CNTN5: variants seen among roughly 807,000 people sequenced by gnomAD.
The protein encoded by CNTN5 is contactin 5.
In CNTN5, 77 loss-of-function variants were observed where a neutral mutation model predicts 129.1. The observed-to-expected ratio is 0.60, with a 90% CI of 0.50 to 0.72. The LOEUF is 0.72. Among genes scored for constraint, CNTN5 ranks in the 30% least tolerant of loss-of-function variants. The pLI, the probability that CNTN5 is intolerant of heterozygous loss-of-function variation, is 0.00. For missense variants in CNTN5, 1,478 were observed against 1,328.8 expected (o/e 1.11, Z -1.75); for synonymous variants, 509 against 465.6 (o/e 1.09, Z -1.20).
chr11:99,274,701 G>A (rs1053275666), intron 1 of CNTN5, among the ~76,000 whole-genome samples: 3 of 151,428 alleles, frequency 2.0e-5, no homozygotes, highest in African/African-American at 7.3e-5. Flanking sequence ...TAGTTTGTGT[G>A]TGTTTGTGTG....
chr11:99,545,774 G>A (rs1591256498), intron 2 of CNTN5, among the ~76,000 whole-genome samples: 1 of 152,170 alleles, frequency 6.6e-6, no homozygotes, highest in Non-Finnish European at 1.5e-5. Flanking sequence ...CCCTGAACAG[G>A]TGTTCTCATG....
chr11:100,063,277 C>T (rs1026830885), intron 10 of CNTN5, among the ~76,000 whole-genome samples: 5 of 151,710 alleles, frequency 3.3e-5, no homozygotes, highest in Admixed American at 1.3e-4. Context: ...GGTGTACATT[C>T]TAGTGAGAAA....
At position 99,976,052 on chromosome 11, in the gene CNTN5, G is replaced by A. The variant is rs552571047; in HGVS notation, c.877+19043G>A. ...TGGGTAAATGCTCCCATACCAAAAG[G>A]GAGAAACTGGTCATAACCAAGGGGC... On this transcript the variant is annotated intron_variant, in intron 8 of 24. Transcript: ENST00000524871. Among the ~76,000 whole-genome samples, 9 of 152,252 alleles carry A rather than the reference G, an allele frequency of 5.9e-5. No homozygotes were observed. In the South Asian group the frequency reaches 1.9e-3, roughly 32 times the overall value.
chr11:100,174,556 T>C (rs961543575), intron 13 of CNTN5, among the ~76,000 whole-genome samples: 6 of 152,120 alleles, frequency 3.9e-5, no homozygotes, highest in African/African-American at 1.4e-4. Context: ...AGCAAAAAGA[T>C]TGAGTGTAGC....
intron 2 of CNTN5, among the ~76,000 whole-genome samples, chr11:99,505,862 C>T (rs892927424): frequency 5.9e-5 from 9 of 152,186 alleles, no homozygotes; most frequent in Non-Finnish European, 5.9e-5. Context: ...GAGCATTTTG[C>T]CAGGCTCCTG....
At chr11:99,355,519 C>G (rs975990121) in intron 2 of CNTN5, among the ~76,000 whole-genome samples, 1 of 152,084 alleles carries the variant, frequency 6.6e-6, no homozygotes, top group Non-Finnish European at 1.5e-5. Context: ...AAGGTTAGAG[C>G]TGCAGAGTCT....
chr11:99,672,392 T>C (rs534123831), intron 3 of CNTN5, among the ~76,000 whole-genome samples: 1 of 151,960 alleles, frequency 6.6e-6, no homozygotes, highest in East Asian at 1.9e-4. Context: ...TGTAGATAGG[T>C]GCTGGCTATA....
chr11:99,819,817 C>T, intron 4 of CNTN5, 52 bp downstream of exon 4: 10 of 582,502 alleles, frequency 1.7e-5, no homozygotes, highest in Non-Finnish European at 2.2e-5. Flanking sequence ...GCAAAGAAGA[C>T]TTATTTAATA....
chr11:99,791,433 G>A (rs1393388065), intron 3 of CNTN5, among the ~76,000 whole-genome samples: 2 of 152,024 alleles, frequency 1.3e-5, no homozygotes, highest in Non-Finnish European at 2.9e-5. Context: ...TGTCTACTGT[G>A]TCAAAGAGCA....
chr11:99,051,683 T>C (rs922015451), intron 1 of CNTN5, among the ~76,000 whole-genome samples: 1 of 151,898 alleles, frequency 6.6e-6, no homozygotes, highest in Admixed American at 6.6e-5. Flanking sequence ...TATCATCTAA[T>C]GAAGGAGAGA....
rs939646343 is a variant in CNTN5 at position 99,260,035 on chromosome 11, C to T, written c.-209-65311C>T. On this transcript the variant is annotated intron_variant, in intron 1 of 24. Coordinates refer to ENST00000524871, the MANE Select transcript of CNTN5 (RefSeq NM_014361.4). Reference sequence around the variant, plus strand: ...ATTAATCTTCATCTGTTACCTGAAGCGAAAATATTGTCCCTATATATTGTT... The same window carrying T: ...ATTAATCTTCATCTGTTACCTGAAGTGAAAATATTGTCCCTATATATTGTT... Among the ~76,000 whole-genome samples the T allele has an allele frequency of 1.1e-4, 17 of 151,604 alleles. No individual in the cohort carries two copies. The South Asian group carries it at 1.5e-3, about 13-fold the overall frequency.
intron 18 of CNTN5, among the ~76,000 whole-genome samples, chr11:100,281,837 T>A (rs1322448629): frequency 1.3e-5 from 2 of 152,174 alleles, no homozygotes; most frequent in Non-Finnish European, 2.9e-5. Flanking sequence ...TTACTAATTC[T>A]TTCTTCTGCT....
intron 21 of CNTN5, among the ~76,000 whole-genome samples, chr11:100,310,914 TGAAGA>T (rs1323590427): frequency 7.2e-5 from 11 of 151,962 alleles, no homozygotes; most frequent in Middle Eastern, 6.8e-3. Context: ...AGGATGATGA[TGAAGA>T]GATTAGCAGG....
chr11:99,116,050 T>A (rs1313573581), intron 1 of CNTN5, among the ~76,000 whole-genome samples: 3 of 152,340 alleles, frequency 2.0e-5, no homozygotes, highest in South Asian at 4.1e-4. Flanking sequence ...TTCAGACACA[T>A]GATCAACTTT....
intron 9 of CNTN5, among the ~76,000 whole-genome samples, chr11:100,059,930 C>T (rs1281630087): frequency 1.3e-5 from 2 of 152,006 alleles, no homozygotes; most frequent in Non-Finnish European, 2.9e-5. Context: ...AGAAAAATGC[C>T]GGGCATGCTG....
intron 3 of CNTN5, among the ~76,000 whole-genome samples, chr11:99,770,695 T>C (rs1434622649): frequency 6.6e-6 from 1 of 152,142 alleles, no homozygotes; most frequent in Non-Finnish European, 1.5e-5. Context: ...ATATTTTATT[T>C]TTTGATGCTA....
At chr11:99,902,665 T>C (rs1949390432) in intron 6 of CNTN5, among the ~76,000 whole-genome samples, 1 of 152,146 alleles carries the variant, frequency 6.6e-6, no homozygotes, top group Admixed American at 6.6e-5. Context: ...AGAATTAATT[T>C]ATATAATTAA....
chr11:99,678,412 C>T (rs1953395269), intron 3 of CNTN5, among the ~76,000 whole-genome samples: 1 of 152,036 alleles, frequency 6.6e-6, no homozygotes, highest in Non-Finnish European at 1.5e-5. Flanking sequence ...AATACTTATT[C>T]CTGGATGATG....
At chr11:99,162,321 A>C (rs938808321) in intron 1 of CNTN5, among the ~76,000 whole-genome samples, 3 of 152,018 alleles carry the variant, frequency 2.0e-5, no homozygotes, top group Non-Finnish European at 4.4e-5. Flanking sequence ...CCTTTGTAGA[A>C]AATGCACTTT....
Sources: gnomAD v4.1 joint callset for allele counts (sites outside exome capture counted in the v4.1 genomes callset) on GRCh38, gnomAD v4.1.1 for gene constraint, MANE v1.5 for transcripts, NCBI Gene and HGNC (gene_info 2026-07-23, HGNC 2026-07-21) for gene names.